Variants in SGK1 observed in about 807,000 individuals in gnomAD.
SGK1 encodes serum/glucocorticoid regulated kinase 1.
SGK1 carries 26 observed loss-of-function variants against 64.2 expected under a neutral mutation model. The observed-to-expected ratio is 0.40, with a 90% CI of 0.30 to 0.56. The LOEUF is 0.56. Among genes scored for constraint, SGK1 ranks in the 20% least tolerant of loss-of-function variants. SGK1 has a pLI of 0.38. For synonymous variants in SGK1, 265 were observed against 239.7 expected (o/e 1.11, Z -0.98); for missense variants, 519 against 645.6 (o/e 0.80, Z 2.12).
At position 134,291,176 on chromosome 6, in the gene SGK1, G is replaced by A. The variant is rs796627191; in HGVS notation, c.69+26216C>T. On this transcript the variant is annotated intron_variant, in intron 1 of 13. Transcript: ENST00000367858. ...TGGGATGATTTGGAGTGAAAGGTAG[G>A]CAGTGAAGCGCCCTGTTAGGAGCCC... 8.5e-5 allele frequency among the ~76,000 whole-genome samples: 13 copies of A among 152,200 alleles called. 1 individual carries two copies. Among genetic ancestry groups the A allele is most frequent in the African/African-American group, 3.1e-4 (13 of 41,514 alleles).
At chr6:134,287,268 A>G (rs1283311813) in intron 1 of SGK1, among the ~76,000 whole-genome samples, 2 of 152,174 alleles carry the variant, frequency 1.3e-5, no homozygotes, top group African/African-American at 4.8e-5. Context: ...CACCACTCCC[A>G]GCCTTGGAGA....
intron 3 of SGK1, among the ~76,000 whole-genome samples, chr6:134,200,270 G>T (rs1393057401): frequency 6.6e-6 from 1 of 152,064 alleles, no homozygotes; most frequent in Non-Finnish European, 1.5e-5. Flanking sequence ...TAAGATGACG[G>T]GTGATCAATT....
At chr6:134,284,580 G>T (rs1381895351) in intron 1 of SGK1, among the ~76,000 whole-genome samples, 3 of 151,028 alleles carry the variant, frequency 2.0e-5, no homozygotes, top group Non-Finnish European at 2.9e-5. Context: ...CACCTCCTAG[G>T]TTCAAGCGAT....
intron 1 of SGK1, among the ~76,000 whole-genome samples, chr6:134,308,748 G>A (rs1257521944): frequency 6.6e-6 from 1 of 152,142 alleles, no homozygotes. Context: ...GTAGAGACAA[G>A]ATTTCACCGT....
At chr6:134,174,735 TGA>T (rs1469281783) in intron 3 of SGK1, 149 bp from the exon 4 acceptor site, 1 of 1,614,008 alleles carries the variant, frequency 6.2e-7, no homozygotes, top group African/African-American at 1.3e-5. Flanking sequence ...CACTCACCGA[TGA>T]GAATTGCCAC....
chr6:134,232,477 A>AAG (rs1776304543), intron 2 of SGK1, among the ~76,000 whole-genome samples: 4 of 146,542 alleles, frequency 2.7e-5, no homozygotes, highest in Non-Finnish European at 6.0e-5. Flanking sequence ...GAAAGAAAGA[A>AAG]AGAAAGAGAA....
chr6:134,248,323 T>G (rs1256629918), intron 2 of SGK1, among the ~76,000 whole-genome samples: 1 of 152,062 alleles, frequency 6.6e-6, no homozygotes, highest in Non-Finnish European at 1.5e-5. Flanking sequence ...CAGTCTTTAA[T>G]GCTAGCAAAA....
intron 3 of SGK1, chr6:134,175,510 C>T (rs943007950): frequency 4.1e-6 from 6 of 1,452,458 alleles, no homozygotes; most frequent in African/African-American, 1.5e-5. Flanking sequence ...GGGAAGTGAG[C>T]CAAGCCCCCA....
At chr6:134,215,076 A>G (rs1282674573) in intron 2 of SGK1, 1 of 455,854 alleles carries the variant, frequency 2.2e-6, no homozygotes, top group Non-Finnish European at 4.4e-6. Context: ...TCAGTTGTCC[A>G]GAAGTTTTGC....
At chr6:134,240,056 C>T (rs1482430507) in intron 2 of SGK1, among the ~76,000 whole-genome samples, 1 of 152,112 alleles carries the variant, frequency 6.6e-6, no homozygotes. Context: ...CGTTGGGGGG[C>T]CATGATGTGC....
At chr6:134,208,345 T>C (rs1775827217) in intron 2 of SGK1, among the ~76,000 whole-genome samples, 2 of 152,184 alleles carry the variant, frequency 1.3e-5, no homozygotes, top group South Asian at 2.1e-4. Context: ...TGATAAATAA[T>C]ATTTATTGAG....
intron 3 of SGK1, 157 bp from the exon 4 acceptor site, chr6:134,174,743 G>A: frequency 6.2e-7 from 1 of 1,614,156 alleles, no homozygotes. Flanking sequence ...GATGAGAATT[G>A]CCACCATGCC....
rs867633136 is a variant in SGK1 at position 134,195,106 on chromosome 6, A to T, written c.361+12250T>A. On this transcript the variant is annotated intron_variant, in intron 3 of 13. Transcript: ENST00000367858. The stretch of plus-strand genomic sequence containing the variant: ...ATTTCCTGGTATCATTTTAGCTATC[A>T]TAAAATGCCTTTTAGGACTATGGAA... 1.6e-4 allele frequency among the ~76,000 whole-genome samples: 25 copies of T among 152,326 alleles called. No individual in the cohort carries two copies. The Middle Eastern group carries it at 0.01, about 62-fold the overall frequency.
intron 1 of SGK1, chr6:134,297,571 C>T (rs1225104956): frequency 4.2e-5 from 21 of 498,928 alleles, no homozygotes; most frequent in African/African-American, 1.2e-4. Flanking sequence ...GGCACGATCT[C>T]GGCTCACTGC....
Position 134,207,445 on chromosome 6 carries a change from A to ACC in SGK1, c.286-15_286-14insGG. On this transcript the variant is annotated splice_polypyrimidine_tract_variant and intron_variant, in intron 2 of 13. Transcript: ENST00000367858. ...TGGCTCTCTCACCTTTAAAACATAA[A>ACC]GAGAAAAGAAGTGATATAAAAATGG... 6.4e-7 allele frequency: 1 copy of ACC among 1,572,540 alleles called. No individual in the cohort carries two copies. Among genetic ancestry groups the ACC allele is most frequent in the Non-Finnish European group, 8.7e-7 (1 of 1,143,792 alleles).
At chr6:134,236,001 G>A (rs1473124680) in intron 2 of SGK1, among the ~76,000 whole-genome samples, 1 of 152,112 alleles carries the variant, frequency 6.6e-6, no homozygotes, top group Non-Finnish European at 1.5e-5. Flanking sequence ...GTTTAGGTCA[G>A]CCCTGATTTT....
At chr6:134,316,742 CCA>C (rs1491181746) in intron 1 of SGK1, among the ~76,000 whole-genome samples, 4 of 100,564 alleles carry the variant, frequency 4.0e-5, no homozygotes, top group Non-Finnish European at 7.8e-5. Context: ...CTGCTCTCTC[CCA>C]AAAAAAAAAA....
chr6:134,192,604 TCC>T (rs549853407), intron 3 of SGK1, among the ~76,000 whole-genome samples: 1,361 of 108,634 alleles, frequency 0.013, 25 homozygotes, highest in African/African-American at 0.044. Flanking sequence ...CCATCCCCCC[TCC>T]CCCCATTCTT....
intron 1 of SGK1, among the ~76,000 whole-genome samples, chr6:134,294,442 T>C (rs1279204298): frequency 6.6e-6 from 1 of 152,170 alleles, no homozygotes; most frequent in Non-Finnish European, 1.5e-5. Flanking sequence ...CTACTTTCTG[T>C]CTATAAATGG....
Sources: allele counts gnomAD v4.1 joint callset (sites outside exome capture counted in the v4.1 genomes callset), GRCh38; gene constraint gnomAD v4.1.1; transcripts MANE v1.5; gene names NCBI Gene and HGNC (gene_info 2026-07-23, HGNC 2026-07-21).